SLC12A8: variants seen among roughly 807,000 people sequenced by gnomAD.
The protein encoded by SLC12A8 is solute carrier family 12 member 8.
A neutral mutation model predicts 75.6 loss-of-function variants in SLC12A8; 69 were observed. The observed-to-expected ratio is 0.91, with a 90% CI of 0.75 to 1.11. SLC12A8 has a LOEUF of 1.11. Among genes scored for constraint, SLC12A8 ranks in the 50% most tolerant of loss-of-function variants. SLC12A8 has a pLI of 0.00. For synonymous variants in SLC12A8, 365 were observed against 372.8 expected, an observed-to-expected ratio of 0.98 and a Z score of 0.24; for missense variants, 877 against 896.7, an observed-to-expected ratio of 0.98 and a Z score of 0.28.
At chr3:125,193,775 TTC>T (rs2107798073) in intron 2 of SLC12A8, among the ~76,000 whole-genome samples, 1 of 152,220 alleles carries the variant, frequency 6.6e-6, no homozygotes, top group South Asian at 2.1e-4. Flanking sequence ...CACGCTAAGA[TTC>T]TCTGAGTGCC....
chr3:125,195,921 G>A (rs941123270), intron 2 of SLC12A8, among the ~76,000 whole-genome samples: 1 of 152,132 alleles, frequency 6.6e-6, no homozygotes, highest in African/African-American at 2.4e-5. Flanking sequence ...CTGGACACAG[G>A]CTGCCGCTAG....
chr3:125,212,711 A>C lies in SLC12A8; in HGVS notation c.-57T>G, dbSNP rs1935361993. 1 of 153,000 alleles carries C rather than the reference A, an allele frequency of 6.5e-6. No individual in the cohort carries two copies. Among genetic ancestry groups the C allele is most frequent in the Admixed American group, 6.6e-5 (1 of 15,262 alleles). 9.5% of individuals were successfully genotyped at this position (153,000 alleles called of 1,614,324 possible). The stretch of plus-strand genomic sequence containing the variant: ...CCTTCCGCCCTCACCTGCTCCTGGG[A>C]CAGCCAGCTCCCAGCGCCCGGCCCG... On this transcript the variant is annotated 5_prime_UTR_variant, in exon 1 of 14. Transcript: ENST00000469902.
At chr3:125,212,208 T>TG (rs1338608107) in intron 1 of SLC12A8, among the ~76,000 whole-genome samples, 1 of 144,602 alleles carries the variant, frequency 6.9e-6, no homozygotes, top group Non-Finnish European at 1.5e-5. Context: ...GAGCACTGAG[T>TG]GGGGGGTTGG....
chr3:125,196,625 T>C (rs1935012947), intron 2 of SLC12A8, among the ~76,000 whole-genome samples: 1 of 152,206 alleles, frequency 6.6e-6, no homozygotes, highest in Non-Finnish European at 1.5e-5. Context: ...TCTTTCCCTC[T>C]GCCCACTTAA....
intron 5 of SLC12A8, among the ~76,000 whole-genome samples, chr3:125,168,795 C>A (rs2107782561): frequency 6.6e-6 from 1 of 152,298 alleles, no homozygotes; most frequent in Non-Finnish European, 1.5e-5. Flanking sequence ...TTGCCCCATC[C>A]CTTCTACAGC....
At chr3:125,189,206 G>A (rs899135236) in intron 3 of SLC12A8, among the ~76,000 whole-genome samples, 33 of 152,206 alleles carry the variant, frequency 2.2e-4, no homozygotes, top group African/African-American at 7.5e-4. Flanking sequence ...AAAGAGGAAG[G>A]AATTCTGCCT....
chr3:125,196,833 G>T (rs1935017176), intron 2 of SLC12A8, among the ~76,000 whole-genome samples: 1 of 152,166 alleles, frequency 6.6e-6, no homozygotes, highest in Non-Finnish European at 1.5e-5. Context: ...GGAGGCTGAG[G>T]CAAGAGGATT....
At chr3:125,200,403 C>T (rs962354886) in intron 2 of SLC12A8, among the ~76,000 whole-genome samples, 2 of 152,276 alleles carry the variant, frequency 1.3e-5, no homozygotes, top group Non-Finnish European at 2.9e-5. Context: ...GAGCCATGAT[C>T]GTGCCACTGT....
chr3:125,089,131 T>A (rs1451766274), intron 12 of SLC12A8, among the ~76,000 whole-genome samples: 1 of 152,212 alleles, frequency 6.6e-6, no homozygotes, highest in Non-Finnish European at 1.5e-5. Context: ...CAATATATGA[T>A]CAGGAAAATA....
rs150095018 is a variant in SLC12A8, at chr3:125,118,639, T to A, written c.912+130A>T. 10 of 625,582 alleles carry A rather than the reference T, an allele frequency of 1.6e-5. No individual in the cohort carries two copies. The East Asian group carries it at 3.0e-4, about 19-fold the overall frequency. The allele number at this position is 625,582 out of a possible 1,614,324, so 38.8% of individuals were successfully genotyped here. Reference sequence around the variant, plus strand: ...GTGAGACCCTGTCTCAAAAAATAAATTAATTAAATTTTAAAAAGACTATAT... The same window carrying A: ...GTGAGACCCTGTCTCAAAAAATAAAATAATTAAATTTTAAAAAGACTATAT... On this transcript the variant is annotated intron_variant, in intron 8 of 13. Transcript: ENST00000469902.
intron 13 of SLC12A8, among the ~76,000 whole-genome samples, chr3:125,086,974 AGAG>A (rs1287637730): frequency 3.3e-5 from 5 of 152,220 alleles, no homozygotes; most frequent in African/African-American, 1.2e-4. Context: ...TTGGGAATGC[AGAG>A]TGTTTAATGG....
chr3:125,211,379 G>A lies in SLC12A8; in HGVS notation c.-30C>T. 6.2e-7 allele frequency: 1 copy of A among 1,600,838 alleles called. No homozygotes were observed. Among genetic ancestry groups the A allele is most frequent in the Non-Finnish European group, 8.6e-7 (1 of 1,168,348 alleles). The stretch of plus-strand genomic sequence containing the variant: ...CAGCAAGCAGGGATCCTGGTGATCT[G>A]GACAGGGAGACTGCTCTGGAAGGTA... On this transcript the variant is annotated 5_prime_UTR_variant, in exon 2 of 14. Transcript: ENST00000469902.
intron 10 of SLC12A8, among the ~76,000 whole-genome samples, chr3:125,092,626 A>C (rs1938614515): frequency 6.6e-6 from 1 of 152,078 alleles, no homozygotes; most frequent in East Asian, 1.9e-4. Context: ...CTGACTCTGA[A>C]AGTTAGCTCG....
At chr3:125,087,154 G>A (rs1938480849) in intron 13 of SLC12A8, among the ~76,000 whole-genome samples, 1 of 150,170 alleles carries the variant, frequency 6.7e-6, no homozygotes, top group African/African-American at 2.5e-5. Context: ...GAGTTCAGTG[G>A]CACGATCCCG....
At chr3:125,185,301 C>A (rs1414977538) in intron 4 of SLC12A8, among the ~76,000 whole-genome samples, 2 of 148,138 alleles carry the variant, frequency 1.4e-5, no homozygotes, top group African/African-American at 2.5e-5. Context: ...GCCTGGGAAA[C>A]AAGAGCAAAA....
At chr3:125,169,669 G>A (rs1004820108) in intron 5 of SLC12A8, among the ~76,000 whole-genome samples, 3 of 152,190 alleles carry the variant, frequency 2.0e-5, no homozygotes, top group Non-Finnish European at 2.9e-5. Context: ...TCCCTGGCAG[G>A]AGATGAGAGA....
intron 12 of SLC12A8, among the ~76,000 whole-genome samples, chr3:125,091,220 T>C (rs1037321007): frequency 6.6e-6 from 1 of 152,142 alleles, no homozygotes; most frequent in Non-Finnish European, 1.5e-5. Flanking sequence ...TATTCATTTT[T>C]ACTTCTACAT....
At chr3:125,203,505 A>G (rs1472365551) in intron 2 of SLC12A8, among the ~76,000 whole-genome samples, 1 of 152,224 alleles carries the variant, frequency 6.6e-6, no homozygotes, top group Non-Finnish European at 1.5e-5. Context: ...ACCCTCTTCA[A>G]TAAATGGTAC....
At chr3:125,161,850 A>G (rs1278924553) in intron 5 of SLC12A8, among the ~76,000 whole-genome samples, 3 of 152,152 alleles carry the variant, frequency 2.0e-5, no homozygotes, top group African/African-American at 4.8e-5. Flanking sequence ...TCCAGTATAT[A>G]ACGCCTCCCT....
Sources: gnomAD v4.1 joint callset for allele counts (sites outside exome capture counted in the v4.1 genomes callset) on GRCh38, gnomAD v4.1.1 for gene constraint, MANE v1.5 for transcripts, NCBI Gene and HGNC (gene_info 2026-07-23, HGNC 2026-07-21) for gene names.